The following SLC48A1 variants were observed in gnomAD, a reference collection of about 807,000 sequenced individuals.
SLC48A1 encodes heme transporter HRG1.
SLC48A1 carries 6 observed loss-of-function variants against 14.8 expected under a neutral mutation model. The ratio of observed to expected loss-of-function variants is 0.41; its 90% CI spans 0.22 to 0.80. The LOEUF is 0.80. Ranked by LOEUF, SLC48A1 falls within the 30% of genes least tolerant of loss-of-function variation. SLC48A1 has a pLI of 0.34. For missense variants in SLC48A1, 165 were observed against 204.8 expected, an observed-to-expected ratio of 0.81 and a Z score of 1.19; for synonymous variants, 89 against 90.0, an observed-to-expected ratio of 0.99 and a Z score of 0.06.
upstream of SLC48A1, chr12:47,756,357 A>C (rs1443379837): frequency 6.6e-6 from 1 of 152,196 alleles, no homozygotes; most frequent in Non-Finnish European, 1.5e-5. Context: ...ATAGCCCAAG[A>C]GGGAAGGAGG....
chr12:47,760,119 C>G (rs7138076), intron 1 of SLC48A1: 104,132 of 770,168 alleles, frequency 0.14, 7,408 homozygotes, highest in Middle Eastern at 0.16. Context: ...AAAATGTTTC[C>G]CAGAAGCTTA....
At chr12:47,755,158 C>G (rs1178481186), upstream of SLC48A1, among the ~76,000 whole-genome samples, 1 of 152,194 alleles carries the variant, frequency 6.6e-6, no homozygotes, top group African/African-American at 2.4e-5. Context: ...TGAGCTTGGA[C>G]TCTGCAGCCA....
At chr12:47,774,973 G>A (rs1410557770) in intron 1 of SLC48A1, among the ~76,000 whole-genome samples, 3 of 152,188 alleles carry the variant, frequency 2.0e-5, no homozygotes, top group African/African-American at 7.2e-5. Flanking sequence ...TGATTGCATT[G>A]CGAAGACCGA....
intron 2 of SLC48A1, among the ~76,000 whole-genome samples, chr12:47,763,031 C>T (rs1942421938): frequency 1.3e-5 from 2 of 152,202 alleles, no homozygotes; most frequent in Non-Finnish European, 2.9e-5. Context: ...CTCCCCAGCA[C>T]AGTGTCTGGC....
upstream of SLC48A1, among the ~76,000 whole-genome samples, chr12:47,767,820 CAGAA>C (rs772200597): frequency 9.1e-4 from 139 of 152,262 alleles, 2 homozygotes; most frequent in Middle Eastern, 3.4e-3. Flanking sequence ...GTTTGAGAAA[CAGAA>C]AGGCGAATGT....
At chr12:47,759,206 C>A in intron 1 of SLC48A1, 7 of 633,454 alleles carry the variant, frequency 1.1e-5, no homozygotes, top group Non-Finnish European at 1.4e-5. Context: ...ACAAGGAAAC[C>A]GGGGAGAGCG....
intron 2 of SLC48A1, among the ~76,000 whole-genome samples, chr12:47,762,971 T>A (rs563787130): frequency 5.3e-5 from 8 of 152,212 alleles, no homozygotes; most frequent in Non-Finnish European, 1.2e-4. Flanking sequence ...CCCCAGAGCC[T>A]ATTGGAATTA....
At chr12:47,773,118 C>A, upstream of SLC48A1, 1 of 850,496 alleles carries the variant, frequency 1.2e-6, no homozygotes, top group Non-Finnish European at 1.4e-6. Flanking sequence ...GTGGCGTCTG[C>A]GGTTCCGGGC....
intron 1 of SLC48A1, among the ~76,000 whole-genome samples, chr12:47,773,822 A>ACACACACG (rs1325121212): frequency 2.0e-5 from 3 of 151,922 alleles, no homozygotes; most frequent in African/African-American, 4.8e-5. Flanking sequence ...ACACACACAC[A>ACACACACG]CACACACGCA....
At chr12:47,778,755 G>A in intron 1 of SLC48A1, 1 of 400,628 alleles carries the variant, frequency 2.5e-6, no homozygotes, top group Non-Finnish European at 4.5e-6. Context: ...ATTTTTGTGA[G>A]AGATATTCAT....
upstream of SLC48A1, chr12:47,757,939 T>C: frequency 6.4e-7 from 1 of 1,557,590 alleles, no homozygotes; most frequent in Non-Finnish European, 8.7e-7. Context: ...TCGGGGCCGG[T>C]GCATCCTTCT....
Position 47,779,028 on chromosome 12 carries a change from G to T in SLC48A1, c.137G>T (p.Gly46Val), listed in dbSNP as rs1186552258. 6.4e-7 allele frequency: 1 copy of T among 1,551,476 alleles called. No homozygotes were observed. Among genetic ancestry groups the T allele is most frequent in the Non-Finnish European group, 8.7e-7 (1 of 1,146,882 alleles). ...GGGCCCTGATGTGTCTCTCCTGCAG[G>T]GGTGCTGGCACTGTGGGTCCTGGTG... Reference protein sequence around the residue: ...PGTAAMGGLAGVLALWVLVTH... With the variant: ...PGTAAMGGLAVVLALWVLVTH... The change falls in exon 2 of 3, where the codon GGG becomes GTG. Residue 46 changes from glycine (G) to valine (V), a missense_variant and splice_region_variant. By Grantham distance (109) the Gly-to-Val change is moderately radical. Coordinates refer to ENST00000442218, the MANE Select transcript of SLC48A1 (RefSeq NM_017842.3).
At chr12:47,764,098 C>T (rs751719720) in intron 2 of SLC48A1, among the ~76,000 whole-genome samples, 3 of 152,238 alleles carry the variant, frequency 2.0e-5, no homozygotes, top group South Asian at 2.1e-4. Context: ...TGTATAGAAA[C>T]GAGTAACTGC....
At chr12:47,768,974 C>G (rs1464868008), upstream of SLC48A1, 1 of 152,208 alleles carries the variant, frequency 6.6e-6, no homozygotes, top group Non-Finnish European at 1.5e-5. Context: ...GTCTAGGGGA[C>G]AGGGGTAGCT....
At chr12:47,758,599 G>T (rs772039036) in exon 1 of SLC48A1, 13 of 1,612,690 alleles carry the variant, frequency 8.1e-6, no homozygotes, top group Non-Finnish European at 1.1e-5. Flanking sequence ...TCTAGCAAAA[G>T]GCTGGGGGGT....
intron 1 of SLC48A1, 85 bp from the exon 2 acceptor site, chr12:47,778,943 A>G: frequency 7.3e-7 from 1 of 1,377,370 alleles, no homozygotes; most frequent in Non-Finnish European, 9.7e-7. Context: ...TATTCTTGGT[A>G]TTCTTATGCA....
intron 1 of SLC48A1, among the ~76,000 whole-genome samples, chr12:47,759,350 C>A (rs547863357): frequency 6.6e-6 from 1 of 150,764 alleles, no homozygotes; most frequent in Admixed American, 6.6e-5. Flanking sequence ...GCGGCTTTCC[C>A]GCGGGGAATC....
chr12:47,779,537 T>C (rs368849485), intron 2 of SLC48A1, among the ~76,000 whole-genome samples: 3 of 152,228 alleles, frequency 2.0e-5, no homozygotes, highest in Non-Finnish European at 4.4e-5. Flanking sequence ...AGTCTGATGC[T>C]AACTAAAGCA....
At chr12:47,757,634 T>G (rs890409283), upstream of SLC48A1, among the ~76,000 whole-genome samples, 19 of 152,106 alleles carry the variant, frequency 1.2e-4, no homozygotes, top group Admixed American at 1.1e-3. Context: ...CTTCCCCCCA[T>G]GCCCAAACAG....
Sources: allele counts gnomAD v4.1 joint callset (sites outside exome capture counted in the v4.1 genomes callset), GRCh38; gene constraint gnomAD v4.1.1; transcripts MANE v1.5; gene names NCBI Gene and HGNC (gene_info 2026-07-23, HGNC 2026-07-21).